Variants in NT5DC3 observed in about 807,000 individuals in gnomAD.
NT5DC3 encodes 5'-nucleotidase domain containing 3.
A neutral mutation model predicts 67.8 loss-of-function variants in NT5DC3; 42 were observed. The observed-to-expected ratio is 0.62, with a 90% confidence interval of 0.48 to 0.80. NT5DC3 has a LOEUF of 0.80. Ranked by LOEUF, NT5DC3 falls within the 30% of genes least tolerant of loss-of-function variation. The pLI, the probability that NT5DC3 is intolerant of heterozygous loss-of-function variation, is 0.00. For missense variants in NT5DC3, 570 were observed against 696.4 expected (o/e 0.82, Z 2.04); for synonymous variants, 237 against 255.6 (o/e 0.93, Z 0.69).
chr12:103,810,413 G>A (rs4964289), intron 2 of NT5DC3, among the ~76,000 whole-genome samples: 33,848 of 152,114 alleles, frequency 0.22, 4,315 homozygotes, highest in South Asian at 0.44. Context: ...CCTCTCCAAC[G>A]GTCTCAGCTA....
chr12:103,804,889 T>C (rs1430641420), intron 4 of NT5DC3, among the ~76,000 whole-genome samples: 1 of 152,046 alleles, frequency 6.6e-6, no homozygotes, highest in East Asian at 1.9e-4. Context: ...CTGTCTCTTT[T>C]AAAAATACAA....
chr12:103,762,420 G>C, the NT5DC3 span: 1 of 1,614,146 alleles, frequency 6.2e-7, no homozygotes, highest in Non-Finnish European at 8.5e-7. Flanking sequence ...AGAAAAATGG[G>C]AACATGATGA....
At chr12:103,771,691 G>C (rs1885186270), downstream of NT5DC3, among the ~76,000 whole-genome samples, 1 of 152,192 alleles carries the variant, frequency 6.6e-6, no homozygotes, top group Admixed American at 6.5e-5. Flanking sequence ...GCTGAGCTCA[G>C]GCTCTCCTCT....
intron 1 of NT5DC3, among the ~76,000 whole-genome samples, chr12:103,825,906 T>C (rs1248860639): frequency 1.3e-5 from 2 of 152,226 alleles, no homozygotes; most frequent in Non-Finnish European, 2.9e-5. Context: ...CGGGTTCTTC[T>C]CATTCATCAC....
the NT5DC3 span, chr12:103,759,355 G>A: frequency 2.6e-6 from 4 of 1,541,944 alleles, no homozygotes; most frequent in Non-Finnish European, 3.5e-6. Flanking sequence ...CTTAATAGAT[G>A]GCAACTATTA....
intron 12 of NT5DC3, among the ~76,000 whole-genome samples, chr12:103,784,450 CT>C (rs1326353331): frequency 6.6e-6 from 1 of 152,226 alleles, no homozygotes; most frequent in African/African-American, 2.4e-5. Context: ...TGCTCAGCCA[CT>C]CCCAAGCAGA....
At chr12:103,807,321 G>T (rs537987550) in intron 2 of NT5DC3, among the ~76,000 whole-genome samples, 2 of 152,306 alleles carry the variant, frequency 1.3e-5, no homozygotes, top group South Asian at 4.1e-4. Context: ...GGCTGCTGCA[G>T]ATAAAAGGAA....
chr12:103,812,666 TAG>T (rs1334500640), intron 2 of NT5DC3, among the ~76,000 whole-genome samples: 1 of 152,028 alleles, frequency 6.6e-6, no homozygotes, highest in Non-Finnish European at 1.5e-5. Context: ...GAGGAGAGAA[TAG>T]AGTCCTTTGG....
At chr12:103,829,879 TA>T (rs1439776782) in intron 1 of NT5DC3, among the ~76,000 whole-genome samples, 1 of 137,368 alleles carries the variant, frequency 7.3e-6, no homozygotes, top group Non-Finnish European at 1.6e-5. Flanking sequence ...TCTTAGCTTT[TA>T]ATCAGAAAAA....
chr12:103,763,994 T>C, the NT5DC3 span, among the ~76,000 whole-genome samples: 6 of 152,248 alleles, frequency 3.9e-5, no homozygotes, highest in East Asian at 1.2e-3. Context: ...GTCCTTTTTT[T>C]TTTTTCTTTG....
chr12:103,761,368 T>C, the NT5DC3 span: 1 of 1,613,858 alleles, frequency 6.2e-7, no homozygotes, highest in Non-Finnish European at 8.5e-7. Flanking sequence ...ATGGGATCAT[T>C]CATGTCATTT....
intron 1 of NT5DC3, among the ~76,000 whole-genome samples, chr12:103,823,224 C>CAA (rs60156543): frequency 0.019 from 2,609 of 134,166 alleles, 91 homozygotes; most frequent in East Asian, 0.18. Context: ...TTAGAAGTTA[C>CAA]AAAAAAAAAA....
chr12:103,789,446 C>CA (rs936277095), intron 9 of NT5DC3, among the ~76,000 whole-genome samples: 3 of 146,486 alleles, frequency 2.0e-5, no homozygotes, highest in African/African-American at 7.5e-5. Context: ...CAAAAACAAA[C>CA]AAAAAAAAGA....
chr12:103,755,813 C>A, the NT5DC3 span: 1 of 1,182,018 alleles, frequency 8.5e-7, no homozygotes, highest in Non-Finnish European at 1.2e-6. Flanking sequence ...AGGCCACAGT[C>A]ACAGTTAAGA....
intron 6 of NT5DC3, 151 bp from the exon 7 acceptor site, chr12:103,794,148 C>CTGT: frequency 2.0e-6 from 1 of 488,440 alleles, no homozygotes; most frequent in South Asian, 2.4e-5. Flanking sequence ...CCATTTTCTT[C>CTGT]TTCTTTTTTT....
chr12:103,750,855 C>G, the NT5DC3 span: 2 of 1,231,016 alleles, frequency 1.6e-6, no homozygotes, highest in African/African-American at 3.0e-5. Flanking sequence ...CTTTGGGAGG[C>G]CAAGGCAGAT....
At chr12:103,762,314 C>A in the NT5DC3 span, 1 of 1,614,230 alleles carries the variant, frequency 6.2e-7, no homozygotes, top group Middle Eastern at 1.6e-4. Flanking sequence ...ATCTTCTTTG[C>A]CATCATCCTG....
At chr12:103,759,845 A>C in the NT5DC3 span, among the ~76,000 whole-genome samples, 1 of 152,354 alleles carries the variant, frequency 6.6e-6, no homozygotes, top group East Asian at 1.9e-4. Flanking sequence ...CATTTTATTT[A>C]ATCTTTTATG....
chr12:103,764,511 G>A, the NT5DC3 span, among the ~76,000 whole-genome samples: 8,750 of 152,208 alleles, frequency 0.057, 316 homozygotes, highest in Non-Finnish European at 0.058. Flanking sequence ...CATAACACAT[G>A]TGGAAGTACA....
Sources: allele counts gnomAD v4.1 joint callset (sites outside exome capture counted in the v4.1 genomes callset), GRCh38; gene constraint gnomAD v4.1.1; transcripts MANE v1.5; gene names NCBI Gene and HGNC (gene_info 2026-07-23, HGNC 2026-07-21).